Variants in LIFR observed in about 807,000 individuals in gnomAD.
LIFR encodes LIF receptor subunit alpha, also known as leukemia inhibitory factor receptor.
Under a neutral mutation model 122.2 loss-of-function variants are expected in LIFR, and 84 were observed. That is an observed-to-expected ratio of 0.69 (90% confidence interval 0.58 to 0.82). LIFR has a LOEUF of 0.82. LIFR is among the 40% of genes least tolerant of loss of function. The pLI is 0.00. For missense variants in LIFR, 1,294 were observed against 1,311.6 expected (o/e 0.99, Z 0.21); for synonymous variants, 422 against 434.7 (o/e 0.97, Z 0.36).
At chr5:38,571,457 G>C (rs1749206053) in intron 1 of LIFR, among the ~76,000 whole-genome samples, 1 of 150,932 alleles carries the variant, frequency 6.6e-6, no homozygotes. Context: ...TAAGAGGCTG[G>C]GGCAGGAGAG....
At chr5:38,550,519 A>G (rs919338052) in intron 1 of LIFR, among the ~76,000 whole-genome samples, 1 of 152,224 alleles carries the variant, frequency 6.6e-6, no homozygotes, top group Non-Finnish European at 1.5e-5. Flanking sequence ...GGGTTTTAAT[A>G]GCAACATGCT....
chr5:38,529,306 A>G (rs530264069), intron 2 of LIFR, among the ~76,000 whole-genome samples: 31 of 152,286 alleles, frequency 2.0e-4, no homozygotes, highest in African/African-American at 7.2e-4. Context: ...TTAAGTAAAA[A>G]TGATGTGCCT....
At chr5:38,489,378 G>A (rs142935450) in intron 15 of LIFR, 133 bp from the exon 16 acceptor site, 155 of 783,036 alleles carry the variant, frequency 2.0e-4, no homozygotes, top group Admixed American at 4.6e-4. Context: ...TAAACTTTCA[G>A]AGAGAGATGA....
intron 1 of LIFR, among the ~76,000 whole-genome samples, chr5:38,541,409 T>C (rs1165493905): frequency 6.6e-6 from 1 of 152,198 alleles, no homozygotes; most frequent in Non-Finnish European, 1.5e-5. Flanking sequence ...CTCGACTTGA[T>C]AAGCTGTTGT....
At chr5:38,575,640 G>A (rs558016413) in intron 1 of LIFR, among the ~76,000 whole-genome samples, 1 of 152,276 alleles carries the variant, frequency 6.6e-6, no homozygotes, top group East Asian at 1.9e-4. Context: ...GCTGTGCTGA[G>A]TCCATGGGCA....
intron 4 of LIFR, among the ~76,000 whole-genome samples, chr5:38,526,415 CTGTG>C (rs34077685): frequency 0.34 from 49,811 of 147,868 alleles, 8,375 homozygotes; most frequent in East Asian, 0.65. Flanking sequence ...ACAAACTTTA[CTGTG>C]TGTGTGTGTG....
chr5:38,512,813 C>G (rs1432399935), intron 5 of LIFR, among the ~76,000 whole-genome samples: 1 of 151,982 alleles, frequency 6.6e-6, no homozygotes, highest in African/African-American at 2.4e-5. Context: ...GCCTAATGAT[C>G]TAAATTTTTC....
At chr5:38,545,857 A>T (rs577341598) in intron 1 of LIFR, among the ~76,000 whole-genome samples, 18 of 147,786 alleles carry the variant, frequency 1.2e-4, no homozygotes, top group African/African-American at 4.5e-4. Context: ...GCGAGACTCC[A>T]TCTCAAAAAA....
At chr5:38,530,092 GA>G (rs1466857676) in intron 2 of LIFR, among the ~76,000 whole-genome samples, 1 of 152,076 alleles carries the variant, frequency 6.6e-6, no homozygotes, top group Non-Finnish European at 1.5e-5. Context: ...TAACATTATA[GA>G]GACAGAAAAC....
chr5:38,525,119 G>A (rs1245697670), intron 4 of LIFR, among the ~76,000 whole-genome samples: 5 of 152,134 alleles, frequency 3.3e-5, no homozygotes, highest in Admixed American at 3.3e-4. Context: ...AGCAGGAAGA[G>A]TAATGTATCC....
chr5:38,521,658 C>T (rs941031001), intron 5 of LIFR, among the ~76,000 whole-genome samples: 2 of 152,078 alleles, frequency 1.3e-5, no homozygotes, highest in Non-Finnish European at 2.9e-5. Flanking sequence ...GTTCTCAGGC[C>T]CCTGGCCAGC....
chr5:38,582,283 A>G (rs1749613076), intron 1 of LIFR, among the ~76,000 whole-genome samples: 1 of 152,166 alleles, frequency 6.6e-6, no homozygotes, highest in African/African-American at 2.4e-5. Context: ...TGAATAAATC[A>G]GGCAGTTTGT....
rs1382683888 is a variant in LIFR, at chr5:38,502,689, G to C, written c.1548C>G (p.Phe516Leu). Residue 516 changes from phenylalanine to leucine, a missense_variant, in exon 11 of 20, where the codon TTC becomes TTG. Coordinates refer to ENST00000453190, the MANE Select transcript of LIFR (RefSeq NM_001127671.2). ...TFRIRCSTET[F>L]WKWSKWSNKK... ...TATTGCTCCATTTGCTCCATTTCCA[G>C]AAAGTTTCAGTAGAACAACGAATCC... 4 of 1,613,510 alleles carry C rather than the reference G, an allele frequency of 2.5e-6. No individual in the cohort carries two copies. The Admixed American group carries it at 6.7e-5, about 27-fold the overall frequency.
At chr5:38,531,763 T>C (rs186739069) in intron 1 of LIFR, among the ~76,000 whole-genome samples, 52 of 152,224 alleles carry the variant, frequency 3.4e-4, no homozygotes, top group Non-Finnish European at 1.0e-4. Flanking sequence ...CTGGAGCCCA[T>C]TGAGAGAATT....
intron 7 of LIFR, 120 bp downstream of exon 7, chr5:38,510,344 C>T (rs1745728156): frequency 5.2e-6 from 5 of 956,816 alleles, no homozygotes; most frequent in Non-Finnish European, 8.0e-6. Flanking sequence ...TATTAAAGAA[C>T]AAAGAAATGA....
Position 38,527,203 on chromosome 5 carries a change from C to T in LIFR, c.349G>A (p.Asp117Asn). ...AATTTACTTGTAGAACTTCCAAAAT[C>T]ATGTAGAGAATTTATTGTTATTTCA... ...DYEITINSLHDFGSSTSKFTL... is the reference protein window; with the variant it reads ...DYEITINSLHNFGSSTSKFTL... The change falls in exon 4 of 20, where the codon GAT becomes AAT. Residue 117 changes from aspartate (D) to asparagine (N), a missense_variant. Transcript: ENST00000453190. 6.3e-7 allele frequency: 1 copy of T among 1,590,502 alleles called. No homozygotes were observed. Among genetic ancestry groups the T allele is most frequent in the Non-Finnish European group, 8.6e-7 (1 of 1,159,894 alleles).
At chr5:38,538,802 T>C (rs1747427138) in intron 1 of LIFR, among the ~76,000 whole-genome samples, 1 of 152,206 alleles carries the variant, frequency 6.6e-6, no homozygotes, top group Non-Finnish European at 1.5e-5. Context: ...AAATAGCATC[T>C]ATATCACTAA....
chr5:38,563,527 T>G (rs182457251), intron 1 of LIFR, among the ~76,000 whole-genome samples: 12 of 152,338 alleles, frequency 7.9e-5, no homozygotes, highest in South Asian at 6.2e-4. Flanking sequence ...ATAACAAAGA[T>G]ATGAATGCAC....
chr5:38,595,265 AG>A (rs1178304900), exon 1 of LIFR: 1 of 155,392 alleles, frequency 6.4e-6, no homozygotes, highest in Non-Finnish European at 1.4e-5. Flanking sequence ...CTGTACCTGG[AG>A]GGCGATGAAT....
Sources: allele counts gnomAD v4.1 joint callset (sites outside exome capture counted in the v4.1 genomes callset), GRCh38; gene constraint gnomAD v4.1.1; transcripts MANE v1.5; gene names NCBI Gene and HGNC (gene_info 2026-07-23, HGNC 2026-07-21).